Variants in MRC2 observed in about 807,000 individuals in gnomAD.
MRC2 encodes the protein mannose receptor C-type 2.
A neutral mutation model predicts 206.2 loss-of-function variants in MRC2; 84 were observed. That is an observed-to-expected ratio of 0.41 (90% CI 0.34 to 0.49). MRC2 has a LOEUF of 0.49. Among genes scored for constraint, MRC2 ranks in the 20% least tolerant of loss-of-function variants. The pLI is 0.31. For missense variants in MRC2, 1,676 were observed against 2,001.5 expected (o/e 0.84, Z 3.10); for synonymous variants, 798 against 800.0 (o/e 1.00, Z 0.04).
rs768818532 is a variant in MRC2, at chr17:62,680,773, G to A, written c.2474-27G>A. 3 of 1,553,064 alleles carry A rather than the reference G, an allele frequency of 1.9e-6. No homozygotes were observed. The highest frequency in any genetic ancestry group is 1.4e-5 in the African/African-American group (1 of 72,442). ...GGCGTGCAGCCTCTGCCTGGCCGCC[G>A]CTCCCACGCCCGCGCTGCTCCTGCA... On this transcript the variant is annotated intron_variant, in intron 16 of 29. Coordinates refer to ENST00000303375, the MANE Select transcript of MRC2 (RefSeq NM_006039.5). The surrounding 1 kb of genome is among the most constrained non-coding windows in gnomAD (Gnocchi z 4.8).
At chr17:62,661,663 G>A (rs1332844419) in intron 1 of MRC2, 1 of 150,900 alleles carries the variant, frequency 6.6e-6, no homozygotes. Context: ...GTAGAACAAA[G>A]ACTTTGGTCT....
Position 62,652,082 on chromosome 17 carries a change from G to A in MRC2, c.119-12466G>A, listed in dbSNP as rs1392430457. ...CTGCTGACTCTTCAATGAACCAGAGGGGCACGTGTAATATTTCCGCTTTCG... is the reference window on the plus strand; with the variant it reads ...CTGCTGACTCTTCAATGAACCAGAGAGGCACGTGTAATATTTCCGCTTTCG... On this transcript the variant is annotated intron_variant, in intron 1 of 29. Coordinates refer to ENST00000303375, the MANE Select transcript of MRC2 (RefSeq NM_006039.5). The surrounding 1 kb of genome is among the most constrained non-coding windows in gnomAD (Gnocchi z 4.6). Among the ~76,000 whole-genome samples, 2 of 152,078 alleles carry A rather than the reference G, an allele frequency of 1.3e-5. No homozygotes were observed. Among genetic ancestry groups the A allele is most frequent in the Non-Finnish European group, 2.9e-5 (2 of 68,020 alleles).
intron 1 of MRC2, among the ~76,000 whole-genome samples, chr17:62,643,480 TAGAA>T (rs1041773124): frequency 2.6e-5 from 4 of 152,082 alleles, no homozygotes; most frequent in African/African-American, 7.2e-5. Context: ...AAATAAAATT[TAGAA>T]AGAACAACAA....
Position 62,666,284 on chromosome 17 carries a change from C to T in MRC2, c.694+17C>T. On this transcript the variant is annotated intron_variant, in intron 3 of 29. Transcript: ENST00000303375. This position sits in a 1 kb window ranked among gnomAD's most constrained non-coding sequence, Gnocchi z 5.0. ...CCATCAAGAGTGAGAGCTGTTGGAG[C>T]CGTGGGGGCGGGGGCAGTGTTCCTG... 6.4e-7 allele frequency: 1 copy of T among 1,559,680 alleles called. No individual in the cohort carries two copies. Among genetic ancestry groups the T allele is most frequent in the South Asian group, 1.2e-5 (1 of 81,368 alleles).
intron 1 of MRC2, among the ~76,000 whole-genome samples, chr17:62,659,161 C>T (rs780510212): frequency 6.6e-6 from 1 of 152,102 alleles, no homozygotes; most frequent in Non-Finnish European, 1.5e-5. Context: ...TTAGGACGCT[C>T]ATCCTATCCA....
intron 1 of MRC2, among the ~76,000 whole-genome samples, chr17:62,645,016 C>T (rs1057116629): frequency 7.2e-5 from 11 of 152,152 alleles, no homozygotes; most frequent in Admixed American, 2.0e-4. Flanking sequence ...TTTCGAAAAA[C>T]AACAGGACAC....
intron 1 of MRC2, among the ~76,000 whole-genome samples, chr17:62,637,904 T>C (rs1297361395): frequency 3.9e-5 from 6 of 152,324 alleles, no homozygotes; most frequent in African/African-American, 1.4e-4. Context: ...AACAGGGTCT[T>C]GCTCTGTCAC....
chr17:62,649,541 A>C (rs1598972987), intron 1 of MRC2, among the ~76,000 whole-genome samples: 1 of 152,180 alleles, frequency 6.6e-6, no homozygotes, highest in East Asian at 1.9e-4. Context: ...CAGTGAGCCA[A>C]GATTTCATCA....
intron 1 of MRC2, among the ~76,000 whole-genome samples, chr17:62,647,436 C>T (rs1404525587): frequency 3.3e-5 from 5 of 151,906 alleles, no homozygotes; most frequent in Admixed American, 1.3e-4. Flanking sequence ...CCACCCGCCT[C>T]GGCCTCCTGA....
At chr17:62,628,415 C>T (rs1287422472) in intron 1 of MRC2, among the ~76,000 whole-genome samples, 2 of 152,162 alleles carry the variant, frequency 1.3e-5, no homozygotes, top group Admixed American at 6.5e-5. Context: ...TTCCCCCCGC[C>T]CCCTGCATCT....
rs577104815 is a variant in MRC2, at chr17:62,671,097, G to C, written c.1118-552G>C. The stretch of plus-strand genomic sequence containing the variant: ...TTGATTGATGCATTGATTGAGATAA[G>C]GTCTTGCTGTGTCGCCCAGGCTGGA... On this transcript the variant is annotated intron_variant, in intron 6 of 29. Coordinates refer to ENST00000303375, the MANE Select transcript of MRC2 (RefSeq NM_006039.5). This position sits in a 1 kb window ranked among gnomAD's most constrained non-coding sequence, Gnocchi z 4.5. 1.3e-5 allele frequency among the ~76,000 whole-genome samples: 2 copies of C among 152,252 alleles called. No individual in the cohort carries two copies. The highest frequency in any genetic ancestry group is 6.5e-5 in the Admixed American group (1 of 15,298).
intron 10 of MRC2, among the ~76,000 whole-genome samples, chr17:62,676,148 C>T (rs1426888610): frequency 6.6e-6 from 1 of 152,230 alleles, no homozygotes; most frequent in Middle Eastern, 3.4e-3. Flanking sequence ...GAAAGAGAGG[C>T]CTTGGTTGTG....
chr17:62,665,403 C>T (rs1307420450), intron 2 of MRC2, among the ~76,000 whole-genome samples: 1 of 24,972 alleles, frequency 4.0e-5, no homozygotes, highest in Non-Finnish European at 1.0e-4. Context: ...AGACTCTGTC[C>T]CCCCCCCCAC....
At chr17:62,673,412 C>A (rs1475894867) in intron 8 of MRC2, among the ~76,000 whole-genome samples, 1 of 152,094 alleles carries the variant, frequency 6.6e-6, no homozygotes, top group Non-Finnish European at 1.5e-5. Flanking sequence ...GGAATCCAAG[C>A]TGTCTATCCT....
At position 62,680,563 on chromosome 17, in the gene MRC2, G is replaced by C. The variant is rs2088951516; in HGVS notation, c.2473+110G>C. On this transcript the variant is annotated intron_variant, in intron 16 of 29. Transcript: ENST00000303375. The surrounding 1 kb of genome is among the most constrained non-coding windows in gnomAD (Gnocchi z 4.8). ...ATGGAGGGGATGAGGAGTTCCGGTC[G>C]AGAGAAGGGGGACGGGGTTGGCTCG... is the stretch of plus-strand genomic sequence containing the variant. 1 of 1,475,772 alleles carries C rather than the reference G, an allele frequency of 6.8e-7. No individual in the cohort carries two copies. The highest frequency in any genetic ancestry group is 9.3e-7 in the Non-Finnish European group (1 of 1,071,950). The allele number at this position is 1,475,772 out of a possible 1,614,324, so 91.4% of individuals were successfully genotyped here.
rs139343605 is a variant in MRC2 at position 62,672,581 on chromosome 17, C to G, written c.1461+429C>G. On this transcript the variant is annotated intron_variant, in intron 8 of 29. Transcript: ENST00000303375. This position sits in a 1 kb window ranked among gnomAD's most constrained non-coding sequence, Gnocchi z 4.5. ...CCAGTGCTCTACCCAGTCCAGGGTC[C>G]TGTCATCTCAAGAGATTGTTGGGTT... Among the ~76,000 whole-genome samples the G allele has an allele frequency of 6.6e-6, 1 of 152,324 alleles. No individual in the cohort carries two copies. The highest frequency in any genetic ancestry group is 2.4e-5 in the African/African-American group (1 of 41,572).
chr17:62,691,159 C>T, intron 28 of MRC2, 31 bp downstream of exon 28: 1 of 1,567,462 alleles, frequency 6.4e-7, no homozygotes. Flanking sequence ...CGCTCAGCCT[C>T]CTTCCACCCC....
intron 1 of MRC2, among the ~76,000 whole-genome samples, chr17:62,637,432 A>G (rs1367125885): frequency 1.3e-5 from 2 of 151,376 alleles, no homozygotes; most frequent in African/African-American, 2.4e-5. Context: ...GCAGCTCGGG[A>G]GGCTGAGGCA....
chr17:62,664,581 T>TC lies in MRC2; in HGVS notation c.152_153insC (p.Gln52AlafsTer60). On this transcript the variant is annotated frameshift_variant, in exon 2 of 30. Transcript: ENST00000303375. LOFTEE classifies it high-confidence loss of function. The surrounding 1 kb of genome is among the most constrained non-coding windows in gnomAD (Gnocchi z 4.7). ...GTCTTCCTCATCTTCAGCCATGGACTGCAGGGCTGCCTGGAGGCCCAGGGC... is the reference window on the plus strand; with the variant it reads ...GTCTTCCTCATCTTCAGCCATGGACTCGCAGGGCTGCCTGGAGGCCCAGGGC... The TC allele has an allele frequency of 6.2e-7, 1 of 1,613,388 alleles. No individual in the cohort carries two copies. The highest frequency in any genetic ancestry group is 8.5e-7 in the Non-Finnish European group (1 of 1,179,934).
Sources: allele counts gnomAD v4.1 joint callset (sites outside exome capture counted in the v4.1 genomes callset), GRCh38; gene constraint gnomAD v4.1.1; non-coding constraint Gnocchi (gnomAD v3.1); transcripts MANE v1.5; gene names NCBI Gene and HGNC (gene_info 2026-07-23, HGNC 2026-07-21).